The following TBC1D22B variants were observed in gnomAD, a reference collection of about 807,000 sequenced individuals.
TBC1D22B encodes TBC1 domain family member 22B.
In TBC1D22B, 32 loss-of-function variants were observed where a neutral mutation model predicts 69.1. The ratio of observed to expected loss-of-function variants is 0.46; its 90% CI spans 0.35 to 0.62. The LOEUF (loss-of-function observed/expected upper bound fraction) is 0.62. Among genes scored for constraint, TBC1D22B ranks in the 20% least tolerant of loss-of-function variants. The probability of loss-of-function intolerance (pLI) is 0.00; values close to 1 mark genes in which losing one functional copy is unlikely to be tolerated. For synonymous variants in TBC1D22B, 206 were observed against 229.8 expected (o/e 0.90, Z 0.94); for missense variants, 462 against 630.9 (o/e 0.73, Z 2.87).
intron 1 of TBC1D22B, among the ~76,000 whole-genome samples, chr6:37,260,918 G>T (rs914300372): frequency 2.0e-4 from 31 of 152,022 alleles, no homozygotes; most frequent in African/African-American, 6.8e-4. Context: ...TTCACTTTTG[G>T]GCTATTGTAC....
At chr6:37,282,730 G>A (rs569939658) in intron 4 of TBC1D22B, 152 bp from the exon 5 acceptor site, 16 of 731,286 alleles carry the variant, frequency 2.2e-5, no homozygotes, top group African/African-American at 8.7e-5. Flanking sequence ...TTAGCTGCTC[G>A]GGGCTGTTTT....
At chr6:37,266,460 C>T (rs1766274065) in intron 1 of TBC1D22B, among the ~76,000 whole-genome samples, 1 of 119,408 alleles carries the variant, frequency 8.4e-6, no homozygotes, top group African/African-American at 3.0e-5. Flanking sequence ...ATAGAACTGC[C>T]TCATTCTTTT....
intron 1 of TBC1D22B, among the ~76,000 whole-genome samples, chr6:37,262,228 C>A (rs886877950): frequency 6.6e-6 from 1 of 151,920 alleles, no homozygotes; most frequent in Admixed American, 6.6e-5. Context: ...AAGGGGGTTT[C>A]GCCATGTTGG....
intron 12 of TBC1D22B, among the ~76,000 whole-genome samples, chr6:37,323,674 T>G (rs867312532): frequency 1.3e-5 from 2 of 152,218 alleles, no homozygotes; most frequent in Non-Finnish European, 2.9e-5. Context: ...AATAAATCCC[T>G]TGAACCAGAT....
At chr6:37,273,277 T>C (rs1303461365) in intron 2 of TBC1D22B, among the ~76,000 whole-genome samples, 2 of 152,068 alleles carry the variant, frequency 1.3e-5, no homozygotes, top group Non-Finnish European at 2.9e-5. Flanking sequence ...TTGAGAATTA[T>C]GTTACATGTA....
At chr6:37,299,105 G>A (rs1767486089) in intron 8 of TBC1D22B, among the ~76,000 whole-genome samples, 1 of 152,190 alleles carries the variant, frequency 6.6e-6, no homozygotes, top group Non-Finnish European at 1.5e-5. Context: ...GAAGTCTAGT[G>A]TATTTCACCT....
chr6:37,284,835 A>C (rs909940745), intron 6 of TBC1D22B, among the ~76,000 whole-genome samples: 2 of 152,092 alleles, frequency 1.3e-5, no homozygotes, highest in Non-Finnish European at 2.9e-5. Context: ...CTGCTGGTCC[A>C]CCAACCACAC....
At chr6:37,282,080 C>A in intron 3 of TBC1D22B, 105 bp from the exon 4 acceptor site, 1 of 1,338,564 alleles carries the variant, frequency 7.5e-7, no homozygotes, top group Non-Finnish European at 1.1e-6. Context: ...CACAGGCAGC[C>A]ACACCCTTGG....
intron 12 of TBC1D22B, among the ~76,000 whole-genome samples, chr6:37,322,098 A>G (rs1768268988): frequency 6.6e-6 from 1 of 152,176 alleles, no homozygotes; most frequent in South Asian, 2.1e-4. Context: ...CACCATGTAC[A>G]GTTGTGTACT....
At chr6:37,311,763 T>C (rs974788710) in intron 8 of TBC1D22B, among the ~76,000 whole-genome samples, 1 of 152,232 alleles carries the variant, frequency 6.6e-6, no homozygotes, top group Non-Finnish European at 1.5e-5. Flanking sequence ...GGGATTGCAG[T>C]GAACATCTGT....
Position 37,282,314 on chromosome 6 carries a change from C to A in TBC1D22B, c.551C>A (p.Thr184Asn), listed in dbSNP as rs146761886. 1.0e-4 allele frequency: 168 copies of A among 1,613,514 alleles called. No homozygotes were observed. Among genetic ancestry groups the A allele is most frequent in the Non-Finnish European group, 1.3e-4 (156 of 1,179,670 alleles). ...GAPPMTVREK[T>N]RLEKFRQLLS... Reference sequence around the variant, plus strand: ...CCCCCAATGACTGTCCGGGAGAAAACCCGCCTAGAAAAATTCCGTCAACTT... The same window carrying A: ...CCCCCAATGACTGTCCGGGAGAAAAACCGCCTAGAAAAATTCCGTCAACTT... The change falls in exon 4 of 13, where the codon ACC (threonine) becomes AAC (asparagine). Residue 184 changes from threonine (T) to asparagine (N), a missense_variant. Physicochemically the swap from Thr to Asn is moderately conservative, Grantham distance 65. Coordinates refer to ENST00000373491, the MANE Select transcript of TBC1D22B (RefSeq NM_017772.4).
At chr6:37,313,140 G>T in intron 9 of TBC1D22B, 116 bp downstream of exon 9, 1 of 757,004 alleles carries the variant, frequency 1.3e-6, no homozygotes. Flanking sequence ...ACCCACTATG[G>T]CTCCTCCTCC....
At chr6:37,277,668 A>G (rs1287115163) in intron 2 of TBC1D22B, among the ~76,000 whole-genome samples, 1 of 151,762 alleles carries the variant, frequency 6.6e-6, no homozygotes, top group African/African-American at 2.4e-5. Flanking sequence ...GGGTTTCACC[A>G]TGTTGGCCAG....
At chr6:37,263,810 T>C (rs1268997042) in intron 1 of TBC1D22B, among the ~76,000 whole-genome samples, 1 of 152,190 alleles carries the variant, frequency 6.6e-6, no homozygotes, top group South Asian at 2.1e-4. Flanking sequence ...AGTCTTGATC[T>C]CCTGACCTCA....
At chr6:37,260,695 G>T (rs1172942380) in intron 1 of TBC1D22B, among the ~76,000 whole-genome samples, 1 of 152,118 alleles carries the variant, frequency 6.6e-6, no homozygotes, top group Non-Finnish European at 1.5e-5. Flanking sequence ...TTCTGTTTCT[G>T]TGGATTTACC....
Position 37,327,676 on chromosome 6 carries a change from T to A in TBC1D22B, c.1390-3368T>A, listed in dbSNP as rs1393515399. Among the ~76,000 whole-genome samples the A allele has an allele frequency of 2.0e-5, 3 of 152,086 alleles. No homozygotes were observed. In the East Asian group the frequency reaches 5.8e-4, roughly 29 times the overall value. On this transcript the variant is annotated intron_variant, in intron 12 of 12. Coordinates refer to ENST00000373491, the MANE Select transcript of TBC1D22B (RefSeq NM_017772.4). Reference sequence around the variant, plus strand: ...AGGCAGAGTTTTTAAAAGCAGAGCATCTGCTGGCTTGAGTGAATATCAATA... The same window carrying A: ...AGGCAGAGTTTTTAAAAGCAGAGCAACTGCTGGCTTGAGTGAATATCAATA...
intron 2 of TBC1D22B, among the ~76,000 whole-genome samples, chr6:37,270,365 C>T (rs1301447706): frequency 1.3e-5 from 2 of 152,058 alleles, no homozygotes; most frequent in Non-Finnish European, 2.9e-5. Flanking sequence ...GCATGAGAAT[C>T]GCTTGAACCC....
chr6:37,328,881 A>G (rs1466420852), intron 12 of TBC1D22B, among the ~76,000 whole-genome samples: 1 of 151,698 alleles, frequency 6.6e-6, no homozygotes, highest in Non-Finnish European at 1.5e-5. Flanking sequence ...CGGCCACCAC[A>G]ATGCCTGGCT....
chr6:37,310,502 C>T (rs2113777876), intron 8 of TBC1D22B, among the ~76,000 whole-genome samples: 1 of 152,176 alleles, frequency 6.6e-6, no homozygotes, highest in Non-Finnish European at 1.5e-5. Context: ...AACCCCGTCG[C>T]TACTGAAAAT....
Sources: allele counts gnomAD v4.1 joint callset (sites outside exome capture counted in the v4.1 genomes callset), GRCh38; gene constraint gnomAD v4.1.1; transcripts MANE v1.5; gene names NCBI Gene and HGNC (gene_info 2026-07-23, HGNC 2026-07-21).